Variants in AKAIN1 observed in about 807,000 individuals in gnomAD.
The protein encoded by AKAIN1 is A-kinase anchor inhibitor 1, also known as A-kinase anchor protein inhibitor 1.
AKAIN1 carries 3 observed loss-of-function variants against 3.7 expected under a neutral mutation model. That is an observed-to-expected ratio of 0.82 (90% CI 0.37 to 2.12). The LOEUF (loss-of-function observed/expected upper bound fraction) is 2.12. Among genes scored for constraint, AKAIN1 ranks in the 30% most tolerant of loss-of-function variants. The pLI, the probability that AKAIN1 is intolerant of heterozygous loss-of-function variation, is 0.06. For missense variants in AKAIN1, 82 were observed against 82.7 expected (o/e 0.99, Z 0.03); for synonymous variants, 31 against 30.8 (o/e 1.01, Z -0.02).
At chr18:5,179,085 G>A (rs1262732211) in intron 1 of AKAIN1, among the ~76,000 whole-genome samples, 2 of 152,144 alleles carry the variant, frequency 1.3e-5, no homozygotes, top group Non-Finnish European at 1.5e-5. Flanking sequence ...AGATAAGAGT[G>A]CAATTTTGTT....
intron 1 of AKAIN1, among the ~76,000 whole-genome samples, chr18:5,188,976 G>C (rs72870853): frequency 0.12 from 18,255 of 152,156 alleles, 1,129 homozygotes; most frequent in Non-Finnish European, 0.12. Context: ...TGCCTTCACA[G>C]CTTTTGTATT....
At chr18:5,188,088 C>G (rs2071297790) in intron 1 of AKAIN1, among the ~76,000 whole-genome samples, 1 of 152,090 alleles carries the variant, frequency 6.6e-6, no homozygotes, top group South Asian at 2.1e-4. Context: ...AATGTTAAAG[C>G]CAAAGAATAA....
rs34950957 is a variant in AKAIN1, at chr18:5,168,864, TAA to T, written c.17-23111_17-23110del. Among the ~76,000 whole-genome samples, 21 of 122,632 alleles carry T rather than the reference TAA, an allele frequency of 1.7e-4. 1 individual carries two copies. The highest frequency in any genetic ancestry group is 6.6e-4 in the East Asian group (3 of 4,514). The allele number at this position is 122,632 out of a possible 152,430, so 80.5% of individuals were successfully genotyped here. A position where few individuals can be genotyped will look rare whatever the true frequency, so the allele number is the denominator to read the frequency against. On this transcript the variant is annotated intron_variant, in intron 1 of 1. Coordinates refer to ENST00000434239, the MANE Select transcript of AKAIN1 (RefSeq NM_001145194.2). ...TGTTTCCTCATATGAGGCAATTCATTAAAAAAAAAAAAAAAGCAAACAAACAA... is the reference window on the plus strand; with the variant it reads ...TGTTTCCTCATATGAGGCAATTCATTAAAAAAAAAAAAAGCAAACAAACAA...
chr18:5,175,990 A>G (rs1243079696), intron 1 of AKAIN1, among the ~76,000 whole-genome samples: 1 of 152,062 alleles, frequency 6.6e-6, no homozygotes, highest in African/African-American at 2.4e-5. Flanking sequence ...CCTGCAAATT[A>G]TGTAGTTGGC....
chr18:5,183,041 G>A (rs1435498776), intron 1 of AKAIN1, among the ~76,000 whole-genome samples: 1 of 151,966 alleles, frequency 6.6e-6, no homozygotes, highest in Non-Finnish European at 1.5e-5. Flanking sequence ...GTTAATAACT[G>A]TGCTGCATAC....
chr18:5,171,779 G>A (rs776627039), intron 1 of AKAIN1, among the ~76,000 whole-genome samples: 169 of 152,224 alleles, frequency 1.1e-3, no homozygotes, highest in Non-Finnish European at 1.8e-3. Flanking sequence ...AGAATAGTTT[G>A]GAGGTTCCTC....
At chr18:5,196,916 A>C in intron 1 of AKAIN1, 122 bp downstream of exon 1, 2 of 908,112 alleles carry the variant, frequency 2.2e-6, no homozygotes, top group Admixed American at 2.1e-5. Context: ...CCATGAGCAC[A>C]GACAGTAACT....
At chr18:5,176,331 T>C (rs2071226185) in intron 1 of AKAIN1, among the ~76,000 whole-genome samples, 1 of 152,040 alleles carries the variant, frequency 6.6e-6, no homozygotes, top group Admixed American at 6.6e-5. Context: ...TTCCAGCTAA[T>C]CAGGAAGCTG....
chr18:5,145,689 T>C lies in AKAIN1; in HGVS notation c.83A>G (p.Asn28Ser). The C allele has an allele frequency of 6.4e-7, 1 of 1,551,672 alleles. No homozygotes were observed. Among genetic ancestry groups the C allele is most frequent in the Non-Finnish European group, 8.7e-7 (1 of 1,146,944 alleles). ...TTGCTGCACAGCTTGCAGGATTGCA[T>C]TCTGCACAATCTGTTTGCTGGCATT... ...LQNASKQIVQNAILQAVQQVS... is the reference protein window; with the variant it reads ...LQNASKQIVQSAILQAVQQVS... Residue 28 changes from asparagine (N) to serine (S), a missense_variant, in exon 2 of 2, where the codon AAT becomes AGT. Asn to Ser is a conservative substitution (Grantham distance 46). Transcript: ENST00000434239.
chr18:5,172,877 G>C lies in AKAIN1; in HGVS notation c.16+24161C>G, dbSNP rs9956039. ...AAAGAGTTATTATGGAAGAAAATAG[G>C]TGTGGAATCTAAATTACACACCTTT... On this transcript the variant is annotated intron_variant, in intron 1 of 1. Coordinates refer to ENST00000434239, the MANE Select transcript of AKAIN1 (RefSeq NM_001145194.2). Among the ~76,000 whole-genome samples, 1,189 of 152,098 alleles carry C rather than the reference G, an allele frequency of 7.8e-3. 18 individuals carry two copies. The highest frequency in any genetic ancestry group is 0.026 in the African/African-American group (1,077 of 41,518).
chr18:5,193,875 C>T (rs1001398120), intron 1 of AKAIN1, among the ~76,000 whole-genome samples: 2 of 152,114 alleles, frequency 1.3e-5, no homozygotes, highest in African/African-American at 4.8e-5. Context: ...TATTATGGGA[C>T]AAATATATTT....
At chr18:5,193,238 A>T (rs948520059) in intron 1 of AKAIN1, among the ~76,000 whole-genome samples, 1 of 152,192 alleles carries the variant, frequency 6.6e-6, no homozygotes, top group African/African-American at 2.4e-5. Flanking sequence ...GCTTACAATT[A>T]CACCATTTTT....
At chr18:5,175,737 T>G (rs2071222445) in intron 1 of AKAIN1, among the ~76,000 whole-genome samples, 1 of 152,198 alleles carries the variant, frequency 6.6e-6, no homozygotes, top group African/African-American at 2.4e-5. Flanking sequence ...GCATATGAGT[T>G]TAATTTATAT....
intron 1 of AKAIN1, among the ~76,000 whole-genome samples, chr18:5,153,406 C>A (rs1305524822): frequency 6.7e-6 from 1 of 149,878 alleles, no homozygotes; most frequent in East Asian, 1.9e-4. Context: ...AAAGCTATGT[C>A]AATTAAGAAA....
At chr18:5,193,390 A>G (rs2071332324) in intron 1 of AKAIN1, among the ~76,000 whole-genome samples, 1 of 152,214 alleles carries the variant, frequency 6.6e-6, no homozygotes, top group Non-Finnish European at 1.5e-5. Flanking sequence ...AGAAAGATAG[A>G]CTAATCCCTG....
chr18:5,171,738 G>C (rs999098013), intron 1 of AKAIN1, among the ~76,000 whole-genome samples: 3 of 152,172 alleles, frequency 2.0e-5, no homozygotes, highest in Admixed American at 2.0e-4. Context: ...TACATATTTG[G>C]TGGGAATGTA....
chr18:5,174,238 A>G (rs1307890549), intron 1 of AKAIN1, among the ~76,000 whole-genome samples: 1 of 152,092 alleles, frequency 6.6e-6, no homozygotes, highest in Non-Finnish European at 1.5e-5. Flanking sequence ...GCCTCTCCCT[A>G]AGTCCTGTGC....
chr18:5,192,200 G>T (rs993594042), intron 1 of AKAIN1, among the ~76,000 whole-genome samples: 3 of 152,028 alleles, frequency 2.0e-5, no homozygotes, highest in African/African-American at 7.2e-5. Flanking sequence ...ACAGACTAAA[G>T]GTTTAAAAAT....
At chr18:5,164,137 C>A (rs562578318) in intron 1 of AKAIN1, among the ~76,000 whole-genome samples, 2 of 152,022 alleles carry the variant, frequency 1.3e-5, no homozygotes, top group Admixed American at 1.3e-4. Context: ...TGAAAAAGTA[C>A]AGTGAAAAAA....
Sources: gnomAD v4.1 joint callset for allele counts (sites outside exome capture counted in the v4.1 genomes callset) on GRCh38, gnomAD v4.1.1 for gene constraint, MANE v1.5 for transcripts, NCBI Gene and HGNC (gene_info 2026-07-23, HGNC 2026-07-21) for gene names.